The following CACNA1B variants were observed in gnomAD, a reference collection of about 807,000 sequenced individuals.
CACNA1B encodes calcium voltage-gated channel subunit alpha1 B.
A neutral mutation model predicts 247.2 loss-of-function variants in CACNA1B; 70 were observed. That is an observed-to-expected ratio of 0.28 (90% confidence interval 0.23 to 0.35). The LOEUF (loss-of-function observed/expected upper bound fraction) is 0.35. Among genes scored for constraint, CACNA1B ranks in the 10% least tolerant of loss-of-function variants. CACNA1B has a pLI of 1.00. For missense variants in CACNA1B, 2,367 were observed against 3,197.4 expected, an observed-to-expected ratio of 0.74 and a Z score of 6.26; for synonymous variants, 1,231 against 1,294.4, an observed-to-expected ratio of 0.95 and a Z score of 1.05.
At chr9:138,094,738 C>A (rs74598507) in intron 36 of CACNA1B, among the ~76,000 whole-genome samples, 1 of 152,256 alleles carries the variant, frequency 6.6e-6, no homozygotes, top group African/African-American at 2.4e-5. Context: ...AAGATAGATA[C>A]ATAGGCCAAT....
intron 5 of CACNA1B, among the ~76,000 whole-genome samples, chr9:137,916,252 C>T (rs1051574044): frequency 2.6e-5 from 4 of 152,182 alleles, no homozygotes; most frequent in Non-Finnish European, 5.9e-5. Flanking sequence ...AGGCTGGTCT[C>T]GAACTCCTGA....
rs1192401093 is a variant in CACNA1B, at chr9:138,054,124, A to G, written c.3968+118A>G. 2.1e-6 allele frequency: 2 copies of G among 948,756 alleles called. No homozygotes were observed. The highest frequency in any genetic ancestry group is 4.9e-5 in the East Asian group (2 of 41,114). The allele number at this position is 948,756 out of a possible 1,614,324, so 58.8% of individuals were successfully genotyped here. ...GGCGTGGGAGACTCCACTGCAGAGC[A>G]TCACGGACCCTGCCTGAGGGCCGAG... is the stretch of plus-strand genomic sequence containing the variant. On this transcript the variant is annotated intron_variant, in intron 26 of 46. Coordinates refer to ENST00000371372, the MANE Select transcript of CACNA1B (RefSeq NM_000718.4). The surrounding 1 kb of genome is among the most constrained non-coding windows in gnomAD (Gnocchi z 4.6).
At chr9:137,935,345 C>T (rs1957653777) in intron 6 of CACNA1B, among the ~76,000 whole-genome samples, 1 of 152,096 alleles carries the variant, frequency 6.6e-6, no homozygotes, top group African/African-American at 2.4e-5. Context: ...TGAGTGAGAA[C>T]ATGCGGTGTT....
intron 26 of CACNA1B, among the ~76,000 whole-genome samples, chr9:138,056,861 G>A (rs980858569): frequency 6.7e-6 from 1 of 150,328 alleles, no homozygotes. Context: ...AGCGTTTCAT[G>A]TGCTTAATAG....
At chr9:138,004,317 G>C (rs1364455424) in intron 15 of CACNA1B, among the ~76,000 whole-genome samples, 1 of 152,008 alleles carries the variant, frequency 6.6e-6, no homozygotes, top group Non-Finnish European at 1.5e-5. Flanking sequence ...GAGGCTGAGG[G>C]GGGGCTGATT....
Position 137,881,201 on chromosome 9 carries a change from G to C in CACNA1B, c.391-1543G>C, listed in dbSNP as rs1353063616. On this transcript the variant is annotated intron_variant, in intron 2 of 46. Coordinates refer to ENST00000371372, the MANE Select transcript of CACNA1B (RefSeq NM_000718.4). The surrounding 1 kb of genome is among the most constrained non-coding windows in gnomAD (Gnocchi z 4.3). ...CAGCAACCCCACCCCTTGGGAAAAG[G>C]GGTCCCTCCTAAACAAATCAGACCA... is the stretch of plus-strand genomic sequence containing the variant. 6.6e-6 allele frequency among the ~76,000 whole-genome samples: 1 copy of C among 152,102 alleles called. No homozygotes were observed. The highest frequency in any genetic ancestry group is 2.4e-5 in the African/African-American group (1 of 41,418).
chr9:138,107,292 G>A (rs1252287259), intron 39 of CACNA1B, among the ~76,000 whole-genome samples: 1 of 150,550 alleles, frequency 6.6e-6, no homozygotes, highest in Non-Finnish European at 1.5e-5. Flanking sequence ...TGTCACCCAG[G>A]CTGGAGTGCA....
At chr9:138,038,908 G>C (rs1182908494) in intron 20 of CACNA1B, among the ~76,000 whole-genome samples, 2 of 152,124 alleles carry the variant, frequency 1.3e-5, no homozygotes, top group Non-Finnish European at 2.9e-5. Context: ...AAAGTGGCTG[G>C]ATGCAGTGGC....
At position 138,054,098 on chromosome 9, in the gene CACNA1B, C is replaced by T. The variant is rs1165264388; in HGVS notation, c.3968+92C>T. On this transcript the variant is annotated intron_variant, in intron 26 of 46. Coordinates refer to ENST00000371372, the MANE Select transcript of CACNA1B (RefSeq NM_000718.4). This position sits in a 1 kb window ranked among gnomAD's most constrained non-coding sequence, Gnocchi z 4.6. ...TTGGGACCAGGTGGAGCTGGTCACACGGCGTGGGAGACTCCACTGCAGAGC... is the reference window on the plus strand; with the variant it reads ...TTGGGACCAGGTGGAGCTGGTCACATGGCGTGGGAGACTCCACTGCAGAGC... The T allele has an allele frequency of 2.0e-5, 25 of 1,238,428 alleles. No individual in the cohort carries two copies. The East Asian group carries it at 2.6e-4, about 13-fold the overall frequency. The allele number at this position is 1,238,428 out of a possible 1,614,324, so 76.7% of individuals were successfully genotyped here. A position where few individuals can be genotyped will look rare whatever the true frequency, so the allele number is the denominator to read the frequency against.
Position 137,908,477 on chromosome 9 carries a change from T to C in CACNA1B, c.531-4703T>C, listed in dbSNP as rs1196286783. Reference sequence around the variant, plus strand: ...GTTACAGTGAGCCAAGATCACGCCATTGCATTCCAGCCTGGGCGACAGAGT... The same window carrying C: ...GTTACAGTGAGCCAAGATCACGCCACTGCATTCCAGCCTGGGCGACAGAGT... On this transcript the variant is annotated intron_variant, in intron 3 of 46. Transcript: ENST00000371372. Among the ~76,000 whole-genome samples the C allele has an allele frequency of 2.6e-5, 4 of 151,636 alleles. No individual in the cohort carries two copies. In the South Asian group the frequency reaches 6.3e-4, roughly 24 times the overall value.
At chr9:137,949,087 G>GTGTATC (rs1957837523) in intron 6 of CACNA1B, among the ~76,000 whole-genome samples, 2 of 14,156 alleles carry the variant, frequency 1.4e-4, no homozygotes, top group African/African-American at 2.5e-4. Context: ...TGGTGTGTGT[G>GTGTATC]TGGTGTGTGC....
chr9:138,047,706 T>C (rs1463920180), intron 23 of CACNA1B, among the ~76,000 whole-genome samples: 3 of 152,242 alleles, frequency 2.0e-5, no homozygotes, highest in African/African-American at 4.8e-5. Flanking sequence ...CCACCTGCTC[T>C]GGTTTCTTGA....
Position 137,981,347 on chromosome 9 carries a change from T to A in CACNA1B, c.1657-2791T>A, listed in dbSNP as rs576874143. On this transcript the variant is annotated intron_variant, in intron 12 of 46. Transcript: ENST00000371372. The stretch of plus-strand genomic sequence containing the variant: ...CCAGCAAGTCCTGGCTTCCTTTTAT[T>A]TAATGCAGTTTCCTTGGTTTATCTC... 1.2e-4 allele frequency among the ~76,000 whole-genome samples: 18 copies of A among 152,308 alleles called. No homozygotes were observed. The South Asian group carries it at 3.7e-3, about 32-fold the overall frequency.
At chr9:137,956,574 A>T (rs1055227505) in intron 8 of CACNA1B, among the ~76,000 whole-genome samples, 197 bp from the exon 9 acceptor site, 2 of 151,832 alleles carry the variant, frequency 1.3e-5, no homozygotes, top group African/African-American at 4.8e-5. Context: ...GAATCGCTTG[A>T]ACCCGGAAGG....
At chr9:138,062,803 C>T (rs1401849224) in intron 31 of CACNA1B, among the ~76,000 whole-genome samples, 1 of 152,244 alleles carries the variant, frequency 6.6e-6, no homozygotes, top group Non-Finnish European at 1.5e-5. Context: ...ACTGCTATCA[C>T]ATCCTGGGTC....
rs1957926757 is a variant in CACNA1B, at chr9:137,954,865, T to TGTGTGTGTGTGTGTGTGTGTGC, written c.1071-818_1071-817insTGTGTGCGTGTGTGTGTGTGTG. 1.3e-5 allele frequency among the ~76,000 whole-genome samples: 2 copies of TGTGTGTGTGTGTGTGTGTGTGC among 150,086 alleles called. No homozygotes were observed. Among genetic ancestry groups the TGTGTGTGTGTGTGTGTGTGTGC allele is most frequent in the African/African-American group, 5.0e-5 (2 of 40,336 alleles). On this transcript the variant is annotated intron_variant, in intron 7 of 46. Coordinates refer to ENST00000371372, the MANE Select transcript of CACNA1B (RefSeq NM_000718.4). This position sits in a 1 kb window ranked among gnomAD's most constrained non-coding sequence, Gnocchi z 4.1. ...CCACCAACTCAGAAGCTTGTGTGTG[T>TGTGTGTGTGTGTGTGTGTGTGC]GTGTGTGTGTGTGTGAGAGAGAGAG...
chr9:137,913,280 A>G lies in CACNA1B; in HGVS notation c.622+9A>G. On this transcript the variant is annotated intron_variant, in intron 4 of 46. Transcript: ENST00000371372. This position sits in a 1 kb window ranked among gnomAD's most constrained non-coding sequence, Gnocchi z 5.2. ...GGTGTCTGGGATTCCAAGTGAGTCCAGCGAAGACAGGCCCAAGCCGGCTTG... is the reference window on the plus strand; with the variant it reads ...GGTGTCTGGGATTCCAAGTGAGTCCGGCGAAGACAGGCCCAAGCCGGCTTG... 1 of 1,607,958 alleles carries G rather than the reference A, an allele frequency of 6.2e-7. No homozygotes were observed. Among genetic ancestry groups the G allele is most frequent in the South Asian group, 1.1e-5 (1 of 90,902 alleles).
chr9:137,973,778 C>A lies in CACNA1B; in HGVS notation c.1544-2129C>A, dbSNP rs1958184765. ...CCCTTTCTGGGCCTCAGAGTGGAGGCTGAGTATGTGAGGCTGAGGGCCTCT... is the reference window on the plus strand; with the variant it reads ...CCCTTTCTGGGCCTCAGAGTGGAGGATGAGTATGTGAGGCTGAGGGCCTCT... On this transcript the variant is annotated intron_variant, in intron 11 of 46. Transcript: ENST00000371372. The surrounding 1 kb of genome is among the most constrained non-coding windows in gnomAD (Gnocchi z 4.1). Among the ~76,000 whole-genome samples, 1 of 152,278 alleles carries A rather than the reference C, an allele frequency of 6.6e-6. No individual in the cohort carries two copies. Among genetic ancestry groups the A allele is most frequent in the African/African-American group, 2.4e-5 (1 of 41,562 alleles).
rs987742918 is a variant in CACNA1B at position 138,016,162 on chromosome 9, TCA to T, written c.2267+2934_2267+2935del. Among the ~76,000 whole-genome samples, 23 of 152,066 alleles carry T rather than the reference TCA, an allele frequency of 1.5e-4. No individual in the cohort carries two copies. The East Asian group carries it at 1.7e-3, about 12-fold the overall frequency. On this transcript the variant is annotated intron_variant, in intron 18 of 46. Coordinates refer to ENST00000371372, the MANE Select transcript of CACNA1B (RefSeq NM_000718.4). ...CACATACACACATAATCTCACACATTCACACACAGTCTCACACACACAGTGTC... is the reference window on the plus strand; with the variant it reads ...CACATACACACATAATCTCACACATTCACACAGTCTCACACACACAGTGTC...
Sources: allele counts gnomAD v4.1 joint callset (sites outside exome capture counted in the v4.1 genomes callset), GRCh38; gene constraint gnomAD v4.1.1; non-coding constraint Gnocchi (gnomAD v3.1); transcripts MANE v1.5; gene names NCBI Gene and HGNC (gene_info 2026-07-23, HGNC 2026-07-21).